PTPRB: variants seen among roughly 807,000 people sequenced by gnomAD.
The protein encoded by PTPRB is protein tyrosine phosphatase receptor type B.
A neutral mutation model predicts 238.1 loss-of-function variants in PTPRB; 97 were observed. The observed-to-expected ratio is 0.41, with a 90% CI of 0.35 to 0.48. The LOEUF is 0.48. Among genes scored for constraint, PTPRB ranks in the 20% least tolerant of loss-of-function variants. PTPRB has a pLI of 0.30. For missense variants in PTPRB, 2,292 were observed against 2,681.9 expected, an observed-to-expected ratio of 0.85 and a Z score of 3.21; for synonymous variants, 970 against 995.4, an observed-to-expected ratio of 0.97 and a Z score of 0.48.
At chr12:70,609,820 TCAG>T (rs1171658467) in intron 3 of PTPRB, 5 of 1,580,078 alleles carry the variant, frequency 3.2e-6, no homozygotes, top group Non-Finnish European at 4.3e-6. Context: ...AGCATTGCGC[TCAG>T]TAGTTAAGAT....
chr12:70,615,489 TC>T (rs1884638614), intron 3 of PTPRB, among the ~76,000 whole-genome samples: 5 of 152,164 alleles, frequency 3.3e-5, no homozygotes, highest in Admixed American at 3.3e-4. Flanking sequence ...CCTCTTCCCC[TC>T]CCCTACTTTT....
Position 70,560,748 on chromosome 12 carries a change from G to A in PTPRB, c.4355C>T (p.Pro1452Leu), listed in dbSNP as rs1399293300. The change falls in exon 17 of 34, where the codon CCT becomes CTT. Residue 1452 changes from proline (P) to leucine (L), a missense_variant. By Grantham distance (98) the Pro-to-Leu change is moderately conservative. Coordinates refer to ENST00000334414, the MANE Select transcript of PTPRB (RefSeq NM_001109754.4). The surrounding 1 kb of genome is among the most constrained non-coding windows in gnomAD (Gnocchi z 4.2). ...LTEWRFQGLVPGRKYVLWVVT... is the reference protein window; with the variant it reads ...LTEWRFQGLVLGRKYVLWVVT... ...CACCCACAGCACGTACTTCCTTCCAGGAACAAGGCCTTGAAACCGCCACTC... is the reference window on the plus strand; with the variant it reads ...CACCCACAGCACGTACTTCCTTCCAAGAACAAGGCCTTGAAACCGCCACTC... 1.2e-6 allele frequency: 2 copies of A among 1,613,922 alleles called. No individual in the cohort carries two copies. The highest frequency in any genetic ancestry group is 1.7e-6 in the Non-Finnish European group (2 of 1,179,874).
chr12:70,592,256 G>A, intron 7 of PTPRB, 26 bp downstream of exon 7: 1 of 1,613,806 alleles, frequency 6.2e-7, no homozygotes, highest in South Asian at 1.1e-5. Context: ...GAGCAACCAA[G>A]GAACATTCTG....
At chr12:70,572,788 A>AAAAAG (rs1880231604) in intron 11 of PTPRB, among the ~76,000 whole-genome samples, 1 of 151,478 alleles carries the variant, frequency 6.6e-6, no homozygotes, top group Non-Finnish European at 1.5e-5. Flanking sequence ...AAAAAAAAAA[A>AAAAAG]AAAAGAAAAG....
At chr12:70,537,284 C>CAAAAAAAAAAAA (rs58633138) in intron 28 of PTPRB, among the ~76,000 whole-genome samples, 1 of 90,706 alleles carries the variant, frequency 1.1e-5, no homozygotes, top group East Asian at 3.0e-4. Flanking sequence ...AAGACCATCT[C>CAAAAAAAAAAAA]AAAAAAAAAA....
intron 17 of PTPRB, 119 bp from the exon 18 acceptor site, chr12:70,559,743 G>T: frequency 1.0e-6 from 1 of 969,134 alleles, no homozygotes; most frequent in Non-Finnish European, 1.5e-6. Context: ...GAGATAATAT[G>T]ATAATAATAT....
chr12:70,540,594 C>G (rs1792119195), intron 23 of PTPRB: 2 of 383,030 alleles, frequency 5.2e-6, no homozygotes, highest in Non-Finnish European at 9.4e-6. Context: ...TTTTCCTGTG[C>G]AAAAGGAGTC....
Position 70,594,741 on chromosome 12 carries a change from C to T in PTPRB, c.1259-17G>A, listed in dbSNP as rs1188275069. 1.9e-6 allele frequency: 3 copies of T among 1,612,846 alleles called. No homozygotes were observed. Among genetic ancestry groups the T allele is most frequent in the Non-Finnish European group, 2.5e-6 (3 of 1,179,184 alleles). ...GAGATGGCACTAGTGGGATAAAATG[C>T]ATGTCCAAATGTCATTAATAATTCC... On this transcript the variant is annotated splice_polypyrimidine_tract_variant and intron_variant, in intron 5 of 33. Coordinates refer to ENST00000334414, the MANE Select transcript of PTPRB (RefSeq NM_001109754.4).
intron 3 of PTPRB, among the ~76,000 whole-genome samples, chr12:70,612,253 T>C (rs1448635748): frequency 2.0e-5 from 3 of 151,556 alleles, no homozygotes. Flanking sequence ...AGAGGAAGAG[T>C]TTAAACTCAG....
At chr12:70,607,587 C>T (rs143766104) in intron 4 of PTPRB, among the ~76,000 whole-genome samples, 2,620 of 148,452 alleles carry the variant, frequency 0.018, 26 homozygotes, top group South Asian at 0.035. Context: ...TCCTCTGTTG[C>T]CCAGGCTGGA....
chr12:70,537,334 T>C (rs1368923743), intron 28 of PTPRB, among the ~76,000 whole-genome samples: 2 of 148,824 alleles, frequency 1.3e-5, no homozygotes, highest in African/African-American at 2.5e-5. Context: ...TCCCAGGCCC[T>C]GCCTCAGCCC....
In PTPRB at chr12:70,555,249, G is replaced by A. The variant is rs773518940; in HGVS notation, c.5054C>T (p.Ser1685Phe). The change falls in exon 20 of 34, where the codon TCT (serine) becomes TTT (phenylalanine). Residue 1685 changes from serine to phenylalanine, a missense_variant. Physicochemically the swap from Ser to Phe is radical, Grantham distance 155. This residue lies in a region of PTPRB where 683 missense variants were observed against 862.0 expected (regional missense o/e 0.79). Coordinates refer to ENST00000334414, the MANE Select transcript of PTPRB (RefSeq NM_001109754.4). Reference protein sequence around the residue: ...VNEKDVLISKSSINFTVNCSW... With the variant: ...VNEKDVLISKFSINFTVNCSW... ...GCAGTTGACAGTAAAGTTGATGGAA[G>A]ACTTGCTAATTAGCACATCCTTTTC... 7.4e-6 allele frequency: 12 copies of A among 1,613,828 alleles called. No individual in the cohort carries two copies. The South Asian group carries it at 1.3e-4, about 18-fold the overall frequency.
At chr12:70,553,836 AG>A (rs1228586044) in intron 20 of PTPRB, among the ~76,000 whole-genome samples, 1 of 152,258 alleles carries the variant, frequency 6.6e-6, no homozygotes, top group Admixed American at 6.5e-5. Context: ...TGTTGTCTTT[AG>A]CATGAGTGTG....
intron 26 of PTPRB, 179 bp from the exon 27 acceptor site, chr12:70,539,193 G>T (rs368158746): frequency 3.8e-5 from 23 of 611,588 alleles, no homozygotes; most frequent in Middle Eastern, 3.9e-4. Flanking sequence ...GGAGGTGGTG[G>T]TCTCACTATT....
intron 3 of PTPRB, chr12:70,609,901 C>T (rs1025976389): frequency 1.6e-5 from 20 of 1,255,496 alleles, no homozygotes; most frequent in Admixed American, 3.0e-5. Context: ...ACCTGTTGCG[C>T]GCGCTCAGCG....
intron 33 of PTPRB, among the ~76,000 whole-genome samples, chr12:70,522,781 C>T (rs192974706): frequency 7.3e-5 from 11 of 151,274 alleles, no homozygotes; most frequent in Non-Finnish European, 8.8e-5. Flanking sequence ...TTTCCTTATG[C>T]GTTGTTTTTG....
Position 70,532,032 on chromosome 12 carries a change from TA to T in PTPRB, c.6504+2del. 6.2e-7 allele frequency: 1 copy of T among 1,613,980 alleles called. No individual in the cohort carries two copies. On this transcript the variant is annotated splice_donor_variant, in intron 32 of 33. Transcript: ENST00000334414. LOFTEE classifies it high-confidence loss of function. Reference sequence around the variant, plus strand: ...CCTGTAACTTTCAGTCTATAACTCTTACCTCAGTCTGGACCATGTGAACCCT... The same window carrying T: ...CCTGTAACTTTCAGTCTATAACTCTTCCTCAGTCTGGACCATGTGAACCCT...
chr12:70,619,767 G>A (rs932811601), intron 3 of PTPRB, among the ~76,000 whole-genome samples: 2 of 152,166 alleles, frequency 1.3e-5, no homozygotes, highest in Non-Finnish European at 2.9e-5. Flanking sequence ...GACACATAGA[G>A]ATTTTATTTT....
In PTPRB at chr12:70,622,648, T is replaced by A; in HGVS notation, c.452-2A>T. The A allele has an allele frequency of 6.4e-7, 1 of 1,555,370 alleles. No homozygotes were observed. The highest frequency in any genetic ancestry group is 8.7e-7 in the Non-Finnish European group (1 of 1,144,728). On this transcript the variant is annotated splice_acceptor_variant, in intron 2 of 33. Transcript: ENST00000334414. LOFTEE classifies it high-confidence loss of function. ...CCGAAACTTCTGCTCCCAGGCCAGC[T>A]GAGGTAAAGAAAAGATAGTTGCAAA...
Sources: gnomAD v4.1 joint callset for allele counts (sites outside exome capture counted in the v4.1 genomes callset) on GRCh38, gnomAD v4.1.1 for gene constraint, gnomAD v4.1.1 regional missense constraint, Gnocchi (gnomAD v3.1) non-coding constraint, MANE v1.5 for transcripts, NCBI Gene and HGNC (gene_info 2026-07-23, HGNC 2026-07-21) for gene names.